C13orf42: variants seen among roughly 807,000 people sequenced by gnomAD.
C13orf42 encodes chromosome 13 open reading frame 42, also known as uncharacterized protein C13orf42.
chr13:51,117,783 C>T (rs1223549642), intron 1 of C13orf42, among the ~76,000 whole-genome samples: 1 of 152,002 alleles, frequency 6.6e-6, no homozygotes, highest in Non-Finnish European at 1.5e-5. Context: ...TAGGAATATA[C>T]ATATTTATTT....
At chr13:51,169,094 T>C (rs1034482737) in intron 1 of C13orf42, among the ~76,000 whole-genome samples, 11 of 152,146 alleles carry the variant, frequency 7.2e-5, no homozygotes, top group Non-Finnish European at 1.5e-4. Flanking sequence ...GAGTGGGGCA[T>C]TGCTATGAGA....
At chr13:51,155,917 C>T (rs1453375053) in intron 1 of C13orf42, among the ~76,000 whole-genome samples, 2 of 152,158 alleles carry the variant, frequency 1.3e-5, no homozygotes, top group East Asian at 3.9e-4. Context: ...GTTGGAGATC[C>T]AGGCAGAAAA....
intron 1 of C13orf42, among the ~76,000 whole-genome samples, chr13:51,140,588 C>T (rs1368682268): frequency 6.6e-6 from 1 of 152,116 alleles, no homozygotes; most frequent in African/African-American, 2.4e-5. Context: ...TGAGGGCACC[C>T]CCTCCAGAGA....
At chr13:51,153,633 T>TGTTTGTTTG (rs1462157887) in intron 1 of C13orf42, among the ~76,000 whole-genome samples, 1 of 107,018 alleles carries the variant, frequency 9.3e-6, no homozygotes, top group African/African-American at 3.2e-5. Flanking sequence ...TTTTTTTCTT[T>TGTTTGTTTG]TTTTTTTTTT....
chr13:51,137,698 ACACACTTTTATC>A (rs1411998914), intron 1 of C13orf42, among the ~76,000 whole-genome samples: 1 of 152,130 alleles, frequency 6.6e-6, no homozygotes. Context: ...TTTTAAAATA[ACACACTTTTATC>A]TGATTACAAA....
chr13:51,172,132 A>G (rs1411611676), intron 1 of C13orf42: 8 of 152,174 alleles, frequency 5.3e-5, no homozygotes, highest in Non-Finnish European at 1.5e-5. Context: ...CTCCCACAGG[A>G]GCTTGCTACA....
intron 2 of C13orf42, among the ~76,000 whole-genome samples, chr13:51,085,986 C>CAG (rs1177298516): frequency 2.0e-5 from 3 of 151,880 alleles, no homozygotes; most frequent in Admixed American, 6.6e-5. Flanking sequence ...CACTGCACTC[C>CAG]AGCCTGGATG....
intron 1 of C13orf42, among the ~76,000 whole-genome samples, chr13:51,117,151 G>A (rs1192950144): frequency 6.6e-6 from 1 of 152,198 alleles, no homozygotes; most frequent in Non-Finnish European, 1.5e-5. Flanking sequence ...GAAGTAAGGA[G>A]GACGTCATTG....
Position 51,106,192 on chromosome 13 carries a change from T to G in C13orf42, c.414+4604A>C, listed in dbSNP as rs145034345. ...ATGGAGATAAATTCCATCCACGGAT[T>G]GTGGAAAGAAAACAATTTAAAGCAT... On this transcript the variant is annotated intron_variant, in intron 1 of 3. Coordinates refer to ENST00000563710, the MANE Select transcript of C13orf42 (RefSeq NM_001351589.3). Among the ~76,000 whole-genome samples, 496 of 152,304 alleles carry G rather than the reference T, an allele frequency of 3.3e-3. 2 individuals carry two copies. Among genetic ancestry groups the G allele is most frequent in the African/African-American group, 0.011 (463 of 41,562 alleles).
intron 1 of C13orf42, among the ~76,000 whole-genome samples, chr13:51,147,211 C>T (rs1953742238): frequency 7.1e-6 from 1 of 141,200 alleles, no homozygotes; most frequent in African/African-American, 2.7e-5. Context: ...GCTCTCAGAC[C>T]TTGGACTAGG....
Position 51,130,927 on chromosome 13 carries a change from A to G in C13orf42, n.137-17705T>C, listed in dbSNP as rs9596462. Among the ~76,000 whole-genome samples, 715 of 152,038 alleles carry G rather than the reference A, an allele frequency of 4.7e-3. 2 individuals are homozygous for G. Among genetic ancestry groups the G allele is most frequent in the African/African-American group, 0.017 (696 of 41,492 alleles). ...TTTTTTTTGCCTAGATTAAAGGGTT[A>G]AAGTGTTGTTTTGAGTTAGGATAAA... On this transcript the variant is annotated intron_variant and non_coding_transcript_variant, in intron 1 of 4. Transcript: ENST00000433280.
At chr13:51,087,762 G>A (rs766852846) in intron 2 of C13orf42, among the ~76,000 whole-genome samples, 166 bp downstream of exon 2, 1 of 152,228 alleles carries the variant, frequency 6.6e-6, no homozygotes, top group Non-Finnish European at 1.5e-5. Flanking sequence ...GATGGGCTCA[G>A]GGCCAGGCTC....
chr13:51,163,879 C>A lies in C13orf42; in HGVS notation n.136+8374G>T, dbSNP rs1593559014. Among the ~76,000 whole-genome samples the A allele has an allele frequency of 2.6e-5, 4 of 152,062 alleles. No individual in the cohort carries two copies. The South Asian group carries it at 8.3e-4, about 32-fold the overall frequency. ...CAGTGAGAGTAAAACTAAAATGAAACACCGCAAGTGTTTAGTGGAATAGAG... is the reference window on the plus strand; with the variant it reads ...CAGTGAGAGTAAAACTAAAATGAAAAACCGCAAGTGTTTAGTGGAATAGAG... On this transcript the variant is annotated intron_variant and non_coding_transcript_variant, in intron 1 of 4. Transcript: ENST00000433280.
intron 1 of C13orf42, among the ~76,000 whole-genome samples, chr13:51,170,953 C>G (rs561808811): frequency 3.3e-5 from 5 of 151,244 alleles, no homozygotes; most frequent in African/African-American, 4.9e-5. Flanking sequence ...TTCCACACCC[C>G]AACCTCTTAT....
intron 1 of C13orf42, among the ~76,000 whole-genome samples, chr13:51,094,397 T>C (rs1164459835): frequency 6.6e-6 from 1 of 152,234 alleles, no homozygotes; most frequent in Non-Finnish European, 1.5e-5. Flanking sequence ...ACTAAAACGG[T>C]GTGTTCACGG....
At chr13:51,090,706 A>G (rs1198777363) in intron 1 of C13orf42, among the ~76,000 whole-genome samples, 1 of 152,206 alleles carries the variant, frequency 6.6e-6, no homozygotes, top group Admixed American at 6.5e-5. Flanking sequence ...AAGCAGCCTC[A>G]GTCGGTTGCT....
chr13:51,127,603 C>A (rs1953586942), intron 1 of C13orf42, among the ~76,000 whole-genome samples: 1 of 152,164 alleles, frequency 6.6e-6, no homozygotes, highest in South Asian at 2.1e-4. Flanking sequence ...TCCATGAAAT[C>A]TAGGTGGTGG....
At chr13:51,084,716 TG>T (rs376312682) in intron 3 of C13orf42, among the ~76,000 whole-genome samples, 2 of 152,230 alleles carry the variant, frequency 1.3e-5, no homozygotes, top group African/African-American at 4.8e-5. Flanking sequence ...CAGCATGGCC[TG>T]GGTTGCCCAA....
intron 1 of C13orf42, among the ~76,000 whole-genome samples, chr13:51,105,890 A>T (rs137996200): frequency 6.6e-6 from 1 of 152,350 alleles, no homozygotes; most frequent in Non-Finnish European, 1.5e-5. Context: ...ATTCAGCTAC[A>T]CAGAAGCTAA....
Sources: gnomAD v4.1 joint callset for allele counts (sites outside exome capture counted in the v4.1 genomes callset) on GRCh38, gnomAD v4.1.1 for gene constraint, MANE v1.5 for transcripts, NCBI Gene and HGNC (gene_info 2026-07-23, HGNC 2026-07-21) for gene names.